ITGA4: variants seen among roughly 807,000 people sequenced by gnomAD.
ITGA4 encodes the protein integrin alpha-4.
Under a neutral mutation model 133.6 loss-of-function variants are expected in ITGA4, and 63 were observed. That is an observed-to-expected ratio of 0.47 (90% CI 0.38 to 0.58). The LOEUF is 0.58. Ranked by LOEUF, ITGA4 falls within the 20% of genes least tolerant of loss-of-function variation. The probability of loss-of-function intolerance (pLI) is 0.00; values close to 1 mark genes in which losing one functional copy is unlikely to be tolerated. For synonymous variants in ITGA4, 483 were observed against 438.0 expected, an observed-to-expected ratio of 1.10 and a Z score of -1.28; for missense variants, 1,076 against 1,252.7, an observed-to-expected ratio of 0.86 and a Z score of 2.13.
intron 5 of ITGA4, 57 bp from the exon 6 acceptor site, chr2:181,480,080 G>A (rs1685769274): frequency 1.6e-6 from 2 of 1,227,964 alleles, no homozygotes; most frequent in South Asian, 3.2e-5. Context: ...GTATCTGGAG[G>A]AGGTTTGGGG....
At position 181,458,155 on chromosome 2, in the gene ITGA4, A is replaced by G. The variant is rs915471642; in HGVS notation, c.198-41A>G. On this transcript the variant is annotated intron_variant, in intron 1 of 27. Transcript: ENST00000397033. ...GGCGACAGGGAGCTCAGTGGGCAGC[A>G]CAGCTCACGTCTGAGCGCACGTGCA... 6.2e-6 allele frequency: 10 copies of G among 1,613,030 alleles called. No individual in the cohort carries two copies. The African/African-American group carries it at 9.3e-5, about 15-fold the overall frequency.
intron 25 of ITGA4, among the ~76,000 whole-genome samples, chr2:181,533,538 C>T (rs551173179): frequency 4.1e-4 from 63 of 152,150 alleles, no homozygotes; most frequent in African/African-American, 1.4e-3. Context: ...AGCCTCTATA[C>T]GCTCACTGCT....
intron 2 of ITGA4, among the ~76,000 whole-genome samples, chr2:181,467,360 A>T (rs1263798957): frequency 6.6e-6 from 1 of 152,196 alleles, no homozygotes; most frequent in Non-Finnish European, 1.5e-5. Flanking sequence ...TGAGAGCCCC[A>T]GTCAAATGTC....
At chr2:181,473,395 A>G (rs1685601118) in intron 2 of ITGA4, among the ~76,000 whole-genome samples, 1 of 152,154 alleles carries the variant, frequency 6.6e-6, no homozygotes, top group Admixed American at 6.5e-5. Context: ...TCCAAACCTT[A>G]CTACTGCCCA....
chr2:181,515,485 T>C (rs1686586617), intron 17 of ITGA4, among the ~76,000 whole-genome samples: 1 of 152,116 alleles, frequency 6.6e-6, no homozygotes, highest in South Asian at 2.1e-4. Flanking sequence ...ATTCTATACA[T>C]AATTCTGCAT....
At chr2:181,507,051 T>G (rs1213383311) in intron 15 of ITGA4, among the ~76,000 whole-genome samples, 2 of 152,124 alleles carry the variant, frequency 1.3e-5, no homozygotes, top group African/African-American at 4.8e-5. Flanking sequence ...GAGAAGAACT[T>G]ATAGATTGAA....
intron 2 of ITGA4, 65 bp downstream of exon 2, chr2:181,458,382 G>T: frequency 6.4e-7 from 1 of 1,566,172 alleles, no homozygotes; most frequent in Non-Finnish European, 8.7e-7. Flanking sequence ...CCACCATAGG[G>T]CAAGTCCTGG....
rs574897236 is a variant in ITGA4, at chr2:181,510,145, T to C, written c.1845+338T>C. Among the ~76,000 whole-genome samples the C allele has an allele frequency of 7.2e-5, 11 of 152,254 alleles. No homozygotes were observed. The East Asian group carries it at 2.1e-3, about 29-fold the overall frequency. On this transcript the variant is annotated intron_variant, in intron 16 of 27. Transcript: ENST00000397033. ...ACAAGTTAGTTATTCAGTGTCATCA[T>C]GTGTCCTCAGTTTATCTTCCTCTTC...
In ITGA4 at chr2:181,534,833, ACAT is replaced by A; in HGVS notation, c.2907_2909del (p.His969del). 6.3e-7 allele frequency: 1 copy of A among 1,596,406 alleles called. No individual in the cohort carries two copies. Among genetic ancestry groups the A allele is most frequent in the East Asian group, 2.2e-5 (1 of 44,478 alleles). On this transcript the variant is annotated inframe_deletion, in exon 27 of 28. Coordinates refer to ENST00000397033, the MANE Select transcript of ITGA4 (RefSeq NM_000885.6). ...TCACGTAGGTTCTACTGGAAGGACT[ACAT>A]CATCAAAGACCCAAACGTTATTTCA...
chr2:181,480,366 C>T (rs1287148813), intron 6 of ITGA4, 100 bp downstream of exon 6: 2 of 618,938 alleles, frequency 3.2e-6, no homozygotes, highest in African/African-American at 3.8e-5. Flanking sequence ...TCTAAATGGC[C>T]AGTATAATTA....
rs1327989497 is a variant in ITGA4, at chr2:181,534,849, A to C, written c.2917A>C (p.Lys973Gln). The C allele has an allele frequency of 1.2e-6, 2 of 1,601,558 alleles. No individual in the cohort carries two copies. Among genetic ancestry groups the C allele is most frequent in the African/African-American group, 2.7e-5 (2 of 74,142 alleles). ...LLEGLHHQRP[K>Q]RYFTIVIISS... Reference sequence around the variant, plus strand: ...GGAAGGACTACATCATCAAAGACCCAAACGTTATTTCACCATAGTGATTAT... The same window carrying C: ...GGAAGGACTACATCATCAAAGACCCCAACGTTATTTCACCATAGTGATTAT... Residue 973 changes from lysine to glutamine, a missense_variant, in exon 27 of 28, where the codon AAA becomes CAA. Lys to Gln is a moderately conservative substitution (Grantham distance 53, BLOSUM62 1). Coordinates refer to ENST00000397033, the MANE Select transcript of ITGA4 (RefSeq NM_000885.6).
Position 181,537,290 on chromosome 2 carries a change from A to ATATT in ITGA4, c.*1765_*1768dup, listed in dbSNP as rs1574421721. On this transcript the variant is annotated 3_prime_UTR_variant, in exon 28 of 28. Coordinates refer to ENST00000397033, the MANE Select transcript of ITGA4 (RefSeq NM_000885.6). The stretch of plus-strand genomic sequence containing the variant: ...CTCAGAACTACTCAGAAACAACTAT[A>ATATT]TATTTCAGGTTATCTGAGCACAGTG... The ATATT allele has an allele frequency of 4.4e-6, 2 of 453,598 alleles. No homozygotes were observed. Among genetic ancestry groups the ATATT allele is most frequent in the South Asian group, 1.6e-5 (1 of 64,468 alleles). 28.1% of individuals were successfully genotyped at this position (453,598 alleles called of 1,614,324 possible).
chr2:181,463,539 T>C (rs368236201), intron 2 of ITGA4, among the ~76,000 whole-genome samples: 29 of 152,248 alleles, frequency 1.9e-4, no homozygotes, highest in African/African-American at 5.8e-4. Flanking sequence ...TTGGTAATTA[T>C]TGAATGAAAG....
intron 15 of ITGA4, among the ~76,000 whole-genome samples, chr2:181,504,755 T>G (rs1280115217): frequency 1.3e-5 from 2 of 152,054 alleles, no homozygotes; most frequent in African/African-American, 4.8e-5. Context: ...AACAAATTTA[T>G]GGATGCTATG....
intron 15 of ITGA4, 78 bp downstream of exon 15, chr2:181,498,855 C>A (rs1476466191): frequency 4.1e-6 from 6 of 1,465,906 alleles, no homozygotes; most frequent in East Asian, 4.9e-5. Flanking sequence ...GTATTGGTAT[C>A]TTTTTATAAA....
chr2:181,458,124 A>G (rs915122775), intron 1 of ITGA4, 72 bp from the exon 2 acceptor site: 2 of 1,603,456 alleles, frequency 1.2e-6, no homozygotes, highest in African/African-American at 1.3e-5. Flanking sequence ...CGGACTGCAC[A>G]TCTGTGGCGA....
At chr2:181,489,880 G>A (rs541659290) in intron 10 of ITGA4, among the ~76,000 whole-genome samples, 16 of 152,222 alleles carry the variant, frequency 1.1e-4, no homozygotes, top group East Asian at 1.9e-4. Flanking sequence ...TTCGGACGCC[G>A]AGTTAAAGAA....
intron 2 of ITGA4, among the ~76,000 whole-genome samples, chr2:181,460,765 G>T (rs1839269): frequency 0.098 from 14,828 of 152,040 alleles, 868 homozygotes; most frequent in East Asian, 0.22. Flanking sequence ...TCTGTAACAA[G>T]CAGGCTGAGG....
chr2:181,533,780 G>T (rs1308835232), intron 25 of ITGA4, among the ~76,000 whole-genome samples: 2 of 152,150 alleles, frequency 1.3e-5, no homozygotes, highest in African/African-American at 4.8e-5. Flanking sequence ...ATGCACACAT[G>T]AAAACATCTC....
Sources: gnomAD v4.1 joint callset for allele counts (sites outside exome capture counted in the v4.1 genomes callset) on GRCh38, gnomAD v4.1.1 for gene constraint, MANE v1.5 for transcripts, NCBI Gene and HGNC (gene_info 2026-07-23, HGNC 2026-07-21) for gene names.